TTLL4: variants seen among roughly 807,000 people sequenced by gnomAD.
The protein encoded by TTLL4 is tubulin monoglutamylase TTLL4.
Under a neutral mutation model 122.7 loss-of-function variants are expected in TTLL4, and 85 were observed. The ratio of observed to expected loss-of-function variants is 0.69; its 90% CI spans 0.58 to 0.83. The LOEUF is 0.83. Ranked by LOEUF, TTLL4 falls within the 40% of genes least tolerant of loss-of-function variation. The pLI is 0.00. For synonymous variants in TTLL4, 553 were observed against 563.0 expected, an observed-to-expected ratio of 0.98 and a Z score of 0.25; for missense variants, 1,363 against 1,488.6, an observed-to-expected ratio of 0.92 and a Z score of 1.39.
At position 218,738,629 on chromosome 2, in the gene TTLL4, C is replaced by G. The variant is rs756054241; in HGVS notation, c.953C>G (p.Ser318Cys). 3.7e-6 allele frequency: 6 copies of G among 1,614,246 alleles called. 1 individual carries two copies. In the South Asian group the frequency reaches 6.6e-5, roughly 18 times the overall value. Residue 318 changes from serine to cysteine, a missense_variant, in exon 3 of 20, where the codon TCC (serine) becomes TGC (cysteine). Ser to Cys is a moderately radical substitution (Grantham distance 112). This residue lies in a region of TTLL4 where 760 missense variants were observed against 808.4 expected (regional missense o/e 0.94). Coordinates refer to ENST00000392102, the MANE Select transcript of TTLL4 (RefSeq NM_014640.5). Reference protein sequence around the residue: ...NNLAMRAEPLSCALDDSSDSQ... With the variant: ...NNLAMRAEPLCCALDDSSDSQ... ...TTAGCCATGAGGGCAGAGCCACTTTCCTGTGCTCTGGATGACAGCTCTGAT... is the reference window on the plus strand; with the variant it reads ...TTAGCCATGAGGGCAGAGCCACTTTGCTGTGCTCTGGATGACAGCTCTGAT...
At chr2:218,759,088 T>C (rs1943197610), downstream of TTLL4, among the ~76,000 whole-genome samples, 1 of 148,772 alleles carries the variant, frequency 6.7e-6, no homozygotes, top group Non-Finnish European at 1.5e-5. Flanking sequence ...CTACTAAAAA[T>C]ACAACATTAG....
intron 16 of TTLL4, 128 bp from the exon 17 acceptor site, chr2:218,752,635 A>C (rs535345008): frequency 1.1e-6 from 1 of 931,012 alleles, no homozygotes; most frequent in Non-Finnish European, 1.7e-6. Context: ...GGCTGCCCTC[A>C]GTAGTTCCAT....
At chr2:218,728,821 C>T (rs971570171) in intron 2 of TTLL4, among the ~76,000 whole-genome samples, 1 of 152,100 alleles carries the variant, frequency 6.6e-6, no homozygotes, top group African/African-American at 2.4e-5. Context: ...ATGGTAGTCC[C>T]ACCTTGCTTT....
chr2:218,740,068 G>T lies in TTLL4; in HGVS notation c.1498G>T (p.Asp500Tyr). The T allele has an allele frequency of 6.2e-7, 1 of 1,614,038 alleles. No homozygotes were observed. Among genetic ancestry groups the T allele is most frequent in the South Asian group, 1.1e-5 (1 of 91,050 alleles). Residue 500 changes from aspartate (D) to tyrosine (Y), a missense_variant, in exon 4 of 20, where the codon GAC becomes TAC. Asp to Tyr is a radical substitution (Grantham distance 160, BLOSUM62 -3). Transcript: ENST00000392102. ...GATTCTTTCTTTTAGTTCAGCTACTGACCTCCAGCCAGATCAGGCTGAGAC... is the reference window on the plus strand; with the variant it reads ...GATTCTTTCTTTTAGTTCAGCTACTTACCTCCAGCCAGATCAGGCTGAGAC... ...SSDRDISSAT[D>Y]LQPDQAETED...
intron 1 of TTLL4, among the ~76,000 whole-genome samples, chr2:218,719,522 G>A (rs571560701): frequency 1.2e-4 from 18 of 150,804 alleles, no homozygotes; most frequent in South Asian, 8.3e-4. Flanking sequence ...TAAGACCAGC[G>A]CAGTTCACAT....
At position 218,738,498 on chromosome 2, in the gene TTLL4, T is replaced by C. The variant is rs548320003; in HGVS notation, c.822T>C (p.Ile274=). ...QPVDHKVPKS[I]GTVPADASAH... is the part of the protein sequence containing the mutation. ...TTGACCATAAGGTGCCCAAAAGCATTGGCACTGTCCCAGCTGATGCCAGTG... is the reference window on the plus strand; with the variant it reads ...TTGACCATAAGGTGCCCAAAAGCATCGGCACTGTCCCAGCTGATGCCAGTG... Residue 274 remains isoleucine, a synonymous_variant, in exon 3 of 20, where the codon ATT becomes ATC. Transcript: ENST00000392102. 85 of 1,614,052 alleles carry C rather than the reference T, an allele frequency of 5.3e-5. 1 individual carries two copies. The South Asian group carries it at 8.8e-4, about 17-fold the overall frequency.
intron 2 of TTLL4, among the ~76,000 whole-genome samples, chr2:218,737,129 C>T (rs1559365543): frequency 3.3e-5 from 5 of 152,178 alleles, no homozygotes; most frequent in Admixed American, 1.3e-4. Flanking sequence ...AATCTTTAAT[C>T]TTTCAGAATT....
chr2:218,741,095 C>G (rs1942687868), intron 5 of TTLL4, among the ~76,000 whole-genome samples: 1 of 151,442 alleles, frequency 6.6e-6, no homozygotes, highest in African/African-American at 2.4e-5. Context: ...ACAACAACAA[C>G]AACAGTATAA....
At chr2:218,718,443 A>G (rs1290904292) in intron 1 of TTLL4, among the ~76,000 whole-genome samples, 4 of 151,184 alleles carry the variant, frequency 2.6e-5, no homozygotes, top group African/African-American at 9.7e-5. Context: ...CAATGGCGCA[A>G]TCTCGGCTCA....
Position 218,754,471 on chromosome 2 carries a change from T to C in TTLL4, c.*82T>C. ...AACCAGCCTGCTGTTCAGACCAGTC[T>C]GACCCCCTACCCCTTTCACCCTGTC... On this transcript the variant is annotated 3_prime_UTR_variant, in exon 20 of 20. Coordinates refer to ENST00000392102, the MANE Select transcript of TTLL4 (RefSeq NM_014640.5). 3 of 1,564,276 alleles carry C rather than the reference T, an allele frequency of 1.9e-6. No homozygotes were observed. The Admixed American group carries it at 5.3e-5, about 28-fold the overall frequency.
At chr2:218,730,309 TCCAAAAAAAAAAAAAAAAAAA>T (rs1469382608) in intron 2 of TTLL4, among the ~76,000 whole-genome samples, 33 of 76,516 alleles carry the variant, frequency 4.3e-4, no homozygotes, top group South Asian at 1.8e-3. Context: ...TTACTAAAAA[TCCAAAAAAAAAAAAAAAAAAA>T]AAAAAAAAAA....
chr2:218,746,527 G>C (rs546142505), intron 8 of TTLL4: 5 of 455,074 alleles, frequency 1.1e-5, no homozygotes, highest in Non-Finnish European at 1.6e-5. Context: ...TGCAGTTGCA[G>C]CTTCTCCAAG....
intron 2 of TTLL4, among the ~76,000 whole-genome samples, chr2:218,731,787 T>C (rs2106419381): frequency 6.6e-6 from 1 of 152,350 alleles, no homozygotes; most frequent in East Asian, 1.9e-4. Flanking sequence ...TGATCAGTGC[T>C]CTGATTGTCA....
chr2:218,749,850 G>A (rs1942969271), intron 14 of TTLL4, among the ~76,000 whole-genome samples, 159 bp from the exon 15 acceptor site: 1 of 152,180 alleles, frequency 6.6e-6, no homozygotes, highest in Admixed American at 6.5e-5. Context: ...CGTCTTTGGG[G>A]CAAGAGAGTC....
chr2:218,747,780 G>A lies in TTLL4; in HGVS notation c.2378+55G>A. On this transcript the variant is annotated intron_variant, in intron 11 of 19. Coordinates refer to ENST00000392102, the MANE Select transcript of TTLL4 (RefSeq NM_014640.5). This position sits in a 1 kb window ranked among gnomAD's most constrained non-coding sequence, Gnocchi z 4.7. ...CAATATTGGGGATTTTATTTTCCTT[G>A]GAGGGAGGGAAACTAGAAGACACCA... The A allele has an allele frequency of 6.2e-7, 1 of 1,604,330 alleles. No individual in the cohort carries two copies. Among genetic ancestry groups the A allele is most frequent in the Non-Finnish European group, 8.5e-7 (1 of 1,173,986 alleles).
intron 6 of TTLL4, 25 bp from the exon 7 acceptor site, chr2:218,745,666 C>T (rs1490557753): frequency 6.6e-7 from 1 of 1,504,376 alleles, no homozygotes; most frequent in African/African-American, 1.4e-5. Flanking sequence ...ATCCCCCATC[C>T]CCACACCCCT....
At chr2:218,748,306 A>G (rs1942904806) in intron 12 of TTLL4, 79 bp downstream of exon 12, 2 of 1,574,604 alleles carry the variant, frequency 1.3e-6, no homozygotes, top group East Asian at 2.3e-5. Context: ...GTTCAGGGGC[A>G]TGGCGAGTGG....
At chr2:218,758,157 T>A (rs1943187123), downstream of TTLL4, among the ~76,000 whole-genome samples, 2 of 152,202 alleles carry the variant, frequency 1.3e-5, no homozygotes, top group Non-Finnish European at 2.9e-5. Context: ...TCTCGGCAAA[T>A]GTTTTACAGG....
intron 6 of TTLL4, 53 bp from the exon 7 acceptor site, chr2:218,745,638 G>C: frequency 8.1e-7 from 1 of 1,236,498 alleles, no homozygotes; most frequent in South Asian, 1.3e-5. Context: ...TTCTCATCAT[G>C]ACTCTCTGCT....
Sources: gnomAD v4.1 joint callset for allele counts (sites outside exome capture counted in the v4.1 genomes callset) on GRCh38, gnomAD v4.1.1 for gene constraint, gnomAD v4.1.1 regional missense constraint, Gnocchi (gnomAD v3.1) non-coding constraint, MANE v1.5 for transcripts, NCBI Gene and HGNC (gene_info 2026-07-23, HGNC 2026-07-21) for gene names.